Variants in EIF3C observed in about 807,000 individuals in gnomAD.
The protein encoded by EIF3C is eukaryotic translation initiation factor 3 subunit C.
Under a neutral mutation model 11.1 loss-of-function variants are expected in EIF3C, and 2 were observed. That is an observed-to-expected ratio of 0.18 (90% CI 0.07 to 0.57). The LOEUF (loss-of-function observed/expected upper bound fraction) is 0.57, where lower values mean the gene tolerates loss of function less well. Ranked by LOEUF, EIF3C falls within the 20% of genes least tolerant of loss-of-function variation. The pLI, the probability that EIF3C is intolerant of heterozygous loss-of-function variation, is 0.92. For synonymous variants in EIF3C, 2 were observed against 41.5 expected (o/e 0.05, Z 3.66); for missense variants, 16 against 114.6 (o/e 0.14, Z 3.93).
intron 1 of EIF3C, among the ~76,000 whole-genome samples, chr16:28,699,331 GCGTGCCTGCAATCGCAGGCACT>G (rs1339419115): frequency 1.1e-4 from 7 of 61,196 alleles, no homozygotes; most frequent in Admixed American, 1.6e-4. Flanking sequence ...GCGTGGCGGC[GCGTGCCTGCAATCGCAGGCACT>G]CGGCAGGCTG....
At chr16:28,728,498 TGTGTGTGTGTGTATCTTTTAGGG>T (rs750469315) in intron 15 of EIF3C, among the ~76,000 whole-genome samples, 6,166 of 74,504 alleles carry the variant, frequency 0.083, 300 homozygotes, top group Non-Finnish European at 0.13. Flanking sequence ...TTTTAGGGGG[TGTGTGTGTGTGTATCTTTTAGGG>T]GTGTGTGTGT....
At chr16:28,698,245 G>T (rs1162738372) in intron 1 of EIF3C, among the ~76,000 whole-genome samples, 1 of 125,506 alleles carries the variant, frequency 8.0e-6, no homozygotes, top group African/African-American at 3.1e-5. Context: ...GCGGCTGGCC[G>T]GGTGGGGGGG....
intron 1 of EIF3C, among the ~76,000 whole-genome samples, chr16:28,693,798 C>T (rs1369787328): frequency 1.6e-3 from 3 of 1,934 alleles, no homozygotes; most frequent in African/African-American, 6.0e-3. Flanking sequence ...TGAGCCTCTC[C>T]AGTAGCTGGG....
At chr16:28,698,021 G>A (rs1567341147) in intron 1 of EIF3C, among the ~76,000 whole-genome samples, 1 of 58,208 alleles carries the variant, frequency 1.7e-5, no homozygotes, top group Non-Finnish European at 2.9e-5. Context: ...CCTCCCTCCC[G>A]GACGGGGCGG....
chr16:28,698,592 C>T (rs1196419466), intron 1 of EIF3C, among the ~76,000 whole-genome samples: 4 of 95,268 alleles, frequency 4.2e-5, no homozygotes, highest in Admixed American at 8.7e-5. Context: ...CCTCACTTCC[C>T]AGATGGGGTG....
Position 28,728,453 on chromosome 16 carries a change from G to T in EIF3C, c.1818+1208G>T, listed in dbSNP as rs1567345957. Among the ~76,000 whole-genome samples, 3 of 61,104 alleles carry T rather than the reference G, an allele frequency of 4.9e-5. 1 individual carries two copies. The highest frequency in any genetic ancestry group is 5.0e-5 in the African/African-American group (1 of 19,890). The allele number at this position is 61,104 out of a possible 152,430, so 40.1% of individuals were successfully genotyped here. ...GGTGTGTGTGTGTCTCTTTTAGGGG[G>T]TGTGTGTGTATCTTTTAGGGGTTGT... is the stretch of plus-strand genomic sequence containing the variant. On this transcript the variant is annotated intron_variant, in intron 15 of 20. Coordinates refer to ENST00000331666, the MANE Select transcript of EIF3C (RefSeq NM_003752.5).
Position 28,699,841 on chromosome 16 carries a change from G to A in EIF3C, c.-31+11013G>A, listed in dbSNP as rs2048271066. 3.1e-5 allele frequency among the ~76,000 whole-genome samples: 3 copies of A among 96,910 alleles called. 1 individual carries two copies. Among genetic ancestry groups the A allele is most frequent in the Non-Finnish European group, 6.2e-5 (3 of 48,424 alleles). The allele number at this position is 96,910 out of a possible 152,430, so 63.6% of individuals were successfully genotyped here. A position where few individuals can be genotyped will look rare whatever the true frequency, so the allele number is the denominator to read the frequency against. ...TTACGGGTGTGAGCCACCTCATCCA[G>A]CCTCTTTTTTTTTTCTTTTAATATC... On this transcript the variant is annotated intron_variant, in intron 1 of 20. Transcript: ENST00000566501.
At chr16:28,698,429 G>T (rs1476085144) in intron 1 of EIF3C, among the ~76,000 whole-genome samples, 1 of 86,612 alleles carries the variant, frequency 1.2e-5, no homozygotes. Flanking sequence ...GCCAGGCGGG[G>T]GGCTGACCCC....
intron 1 of EIF3C, among the ~76,000 whole-genome samples, chr16:28,699,482 C>CGGAGACGGAGAG (rs2048268389): frequency 3.5e-5 from 3 of 84,844 alleles, no homozygotes; most frequent in Middle Eastern, 6.3e-3. Context: ...GAGACGGAGA[C>CGGAGACGGAGAG]GGAGAGGGAG....
At chr16:28,691,944 G>A (rs2048220212) in intron 1 of EIF3C, among the ~76,000 whole-genome samples, 2 of 144,236 alleles carry the variant, frequency 1.4e-5, no homozygotes, top group Non-Finnish European at 3.0e-5. Flanking sequence ...ACTTCCCTAA[G>A]AAACTGGGAC....
At chr16:28,698,596 T>C (rs769742369) in intron 1 of EIF3C, among the ~76,000 whole-genome samples, 1 of 89,198 alleles carries the variant, frequency 1.1e-5, no homozygotes, top group African/African-American at 9.7e-5. Flanking sequence ...ACTTCCCAGA[T>C]GGGGTGGCTG....
chr16:28,729,832 C>T (rs1314240212), intron 15 of EIF3C, among the ~76,000 whole-genome samples: 10 of 149,470 alleles, frequency 6.7e-5, no homozygotes, highest in East Asian at 2.0e-4. Flanking sequence ...TAGTGGTGCA[C>T]GCCTGTAGTC....
chr16:28,703,605 G>T, intron 1 of EIF3C, among the ~76,000 whole-genome samples: 1 of 120,922 alleles, frequency 8.3e-6, no homozygotes. Context: ...AGGTATGGTG[G>T]CTCACACCTG....
In EIF3C at chr16:28,700,354, T is replaced by C. The variant is rs1296080508; in HGVS notation, c.-30-11303T>C. The C allele has an allele frequency of 1.9e-5, 7 of 361,038 alleles. 3 individuals are homozygous for C. The highest frequency in any genetic ancestry group is 2.6e-5 in the Non-Finnish European group (5 of 195,892). The allele number at this position is 361,038 out of a possible 1,614,324, so 22.4% of individuals were successfully genotyped here. A position where few individuals can be genotyped will look rare whatever the true frequency, so the allele number is the denominator to read the frequency against. ...CTTCCAGCAGCCGGTCCCTGAACAC[T>C]CCTCCTCTCCCTCCTTGGCCTCGCT... is the stretch of plus-strand genomic sequence containing the variant. On this transcript the variant is annotated intron_variant, in intron 1 of 20. Transcript: ENST00000566501.
At chr16:28,697,623 C>CA (rs1222081700) in intron 1 of EIF3C, among the ~76,000 whole-genome samples, 3 of 63,270 alleles carry the variant, frequency 4.7e-5, no homozygotes, top group Non-Finnish European at 2.7e-5. Flanking sequence ...TCCGATTTCT[C>CA]AATCTTTTCC....
intron 1 of EIF3C, among the ~76,000 whole-genome samples, chr16:28,698,495 T>C (rs1323490544): frequency 1.4e-5 from 1 of 69,410 alleles, no homozygotes; most frequent in Non-Finnish European, 2.4e-5. Context: ...ACCCCCCACC[T>C]CCCTCCCGGA....
At position 28,695,773 on chromosome 16, in the gene EIF3C, A is replaced by C. The variant is rs867364181; in HGVS notation, c.-31+6945A>C. On this transcript the variant is annotated intron_variant, in intron 1 of 20. Coordinates refer to the EIF3C transcript ENST00000566501. Reference sequence around the variant, plus strand: ...GGGAGGCCAAGGCAGGCGGATCACGAGGTCAGGAGATTGAGACCATCCTGG... The same window carrying C: ...GGGAGGCCAAGGCAGGCGGATCACGCGGTCAGGAGATTGAGACCATCCTGG... 7.5e-4 allele frequency among the ~76,000 whole-genome samples: 38 copies of C among 50,984 alleles called. 17 individuals carry two copies. In the Middle Eastern group the frequency reaches 0.025, roughly 33 times the overall value. The allele number at this position is 50,984 out of a possible 152,430, so 33.4% of individuals were successfully genotyped here.
At chr16:28,730,712 C>CT (rs1277654375) in intron 15 of EIF3C, among the ~76,000 whole-genome samples, 6 of 97,918 alleles carry the variant, frequency 6.1e-5, no homozygotes, top group Non-Finnish European at 1.1e-4. Context: ...ACCCTCTGCT[C>CT]TAAGCCACCA....
In EIF3C at chr16:28,697,814, G is replaced by A. The variant is rs866684400; in HGVS notation, c.-31+8986G>A. Among the ~76,000 whole-genome samples, 175 of 93,780 alleles carry A rather than the reference G, an allele frequency of 1.9e-3. 4 individuals carry two copies. Among genetic ancestry groups the A allele is most frequent in the African/African-American group, 0.011 (159 of 14,984 alleles). 61.5% of individuals were successfully genotyped at this position (93,780 alleles called of 152,430 possible). A position where few individuals can be genotyped will look rare whatever the true frequency, so the allele number is the denominator to read the frequency against. On this transcript the variant is annotated intron_variant, in intron 1 of 20. Coordinates refer to the EIF3C transcript ENST00000566501. The stretch of plus-strand genomic sequence containing the variant: ...CCCGGATGGGGCGGCTCGCCGGGCA[G>A]GGGGGCTGACCCCCCCCACCTCCCT...
Sources: gnomAD v4.1 joint callset for allele counts (sites outside exome capture counted in the v4.1 genomes callset) on GRCh38, gnomAD v4.1.1 for gene constraint, MANE v1.5 for transcripts, NCBI Gene and HGNC (gene_info 2026-07-23, HGNC 2026-07-21) for gene names.